EXD2: variants seen among roughly 807,000 people sequenced by gnomAD.
EXD2 encodes the protein exonuclease 3'-5' domain-containing protein 2.
Under a neutral mutation model 62.5 loss-of-function variants are expected in EXD2, and 40 were observed. The observed-to-expected ratio is 0.64, with a 90% CI of 0.50 to 0.83. The LOEUF (loss-of-function observed/expected upper bound fraction) is 0.83. Ranked by LOEUF, EXD2 falls within the 40% of genes least tolerant of loss-of-function variation. EXD2 has a pLI of 0.00. For synonymous variants in EXD2, 239 were observed against 291.9 expected (o/e 0.82, Z 1.85); for missense variants, 671 against 761.8 (o/e 0.88, Z 1.40).
chr14:69,213,537 A>ATTTTTTTT (rs746653694), intron 3 of EXD2, among the ~76,000 whole-genome samples: 1,917 of 76,362 alleles, frequency 0.025, 163 homozygotes, highest in East Asian at 0.042. Flanking sequence ...CACCTGGATA[A>ATTTTTTTT]TTTTTTTTTT....
chr14:69,237,877 A>C lies in EXD2; in HGVS notation c.1595A>C (p.Asn532Thr), dbSNP rs2043852869. Residue 532 changes from asparagine to threonine, a missense_variant, in exon 9 of 10, where the codon AAC (asparagine) becomes ACC (threonine). Coordinates refer to ENST00000685843, the MANE Select transcript of EXD2 (RefSeq NM_001193360.2). ...ELLQALREFY[N>T]TDVVTEEMLQ... Reference sequence around the variant, plus strand: ...CTGCAAGCACTCAGAGAGTTTTATAACACAGACGTGGTCACAGAGGAGATG... The same window carrying C: ...CTGCAAGCACTCAGAGAGTTTTATACCACAGACGTGGTCACAGAGGAGATG... 6.2e-7 allele frequency: 1 copy of C among 1,605,988 alleles called. No individual in the cohort carries two copies. Among genetic ancestry groups the C allele is most frequent in the Non-Finnish European group, 8.5e-7 (1 of 1,176,764 alleles).
intron 3 of EXD2, among the ~76,000 whole-genome samples, chr14:69,213,257 G>A (rs1021795966): frequency 6.6e-6 from 1 of 151,514 alleles, no homozygotes; most frequent in African/African-American, 2.4e-5. Context: ...CACAGAGACA[G>A]GATTTTGCTG....
chr14:69,202,136 T>G (rs2042429127), intron 1 of EXD2, among the ~76,000 whole-genome samples: 1 of 151,864 alleles, frequency 6.6e-6, no homozygotes, highest in African/African-American at 2.4e-5. Context: ...ACCAAAAATA[T>G]AAAATATTAG....
chr14:69,209,310 T>A (rs1192290369), intron 2 of EXD2, 114 bp from the exon 3 acceptor site: 1 of 492,048 alleles, frequency 2.0e-6, no homozygotes, highest in East Asian at 3.3e-5. Flanking sequence ...TTTATAGCAG[T>A]TGTTTTAGTT....
chr14:69,209,457 T>C lies in EXD2; in HGVS notation c.-14T>C. 1.3e-6 allele frequency: 2 copies of C among 1,484,832 alleles called. No individual in the cohort carries two copies. Among genetic ancestry groups the C allele is most frequent in the Non-Finnish European group, 1.8e-6 (2 of 1,115,996 alleles). 92.0% of individuals were successfully genotyped at this position (1,484,832 alleles called of 1,614,324 possible). On this transcript the variant is annotated 5_prime_UTR_variant, in exon 3 of 10. Coordinates refer to ENST00000685843, the MANE Select transcript of EXD2 (RefSeq NM_001193360.2). Reference sequence around the variant, plus strand: ...ATTAGTGATATGCTTTTCTAAAGAGTAGAAAAGTCGAAGATGTCTAGACAG... The same window carrying C: ...ATTAGTGATATGCTTTTCTAAAGAGCAGAAAAGTCGAAGATGTCTAGACAG...
At chr14:69,219,873 A>T (rs1473078928) in intron 3 of EXD2, among the ~76,000 whole-genome samples, 1 of 152,104 alleles carries the variant, frequency 6.6e-6, no homozygotes, top group African/African-American at 2.4e-5. Flanking sequence ...TGTTCAGTAG[A>T]TGTGGTGATA....
At chr14:69,227,245 A>G (rs572452424) in intron 3 of EXD2, among the ~76,000 whole-genome samples, 2 of 152,240 alleles carry the variant, frequency 1.3e-5, no homozygotes, top group South Asian at 4.1e-4. Context: ...ATATTGCCAA[A>G]TGTCTCTTGG....
At chr14:69,213,427 G>A (rs2042883718) in intron 3 of EXD2, among the ~76,000 whole-genome samples, 1 of 139,504 alleles carries the variant, frequency 7.2e-6, no homozygotes. Context: ...TTGTTGTGCA[G>A]TTGTGTGAGC....
In EXD2 at chr14:69,235,028, C is replaced by T. The variant is rs1221444433; in HGVS notation, c.1046C>T (p.Ala349Val). ...AAGCCTCTGGGGGTGGGCTATTCTG[C>T]CAGGTAACTGAATCACTCCCTGTCT... is the stretch of plus-strand genomic sequence containing the variant. Reference protein sequence around the residue: ...KRKPLGVGYSARKSPLYDNCF... With the variant: ...KRKPLGVGYSVRKSPLYDNCF... The change falls in exon 6 of 10, where the codon GCC becomes GTC. Residue 349 changes from alanine to valine, a missense_variant. Coordinates refer to ENST00000685843, the MANE Select transcript of EXD2 (RefSeq NM_001193360.2). 3.8e-6 allele frequency: 6 copies of T among 1,582,434 alleles called. No individual in the cohort carries two copies. In the African/African-American group the frequency reaches 5.5e-5, roughly 14 times the overall value.
chr14:69,206,455 C>CCTTT lies in EXD2; in HGVS notation c.-48+2455_-48+2456insCTTT, dbSNP rs60787528. Among the ~76,000 whole-genome samples the CCTTT allele has an allele frequency of 2.0e-3, 189 of 94,642 alleles. 35 individuals are homozygous for CCTTT. Among genetic ancestry groups the CCTTT allele is most frequent in the African/African-American group, 4.6e-3 (102 of 22,184 alleles). The allele number at this position is 94,642 out of a possible 152,430, so 62.1% of individuals were successfully genotyped here. A position where few individuals can be genotyped will look rare whatever the true frequency, so the allele number is the denominator to read the frequency against. On this transcript the variant is annotated intron_variant, in intron 2 of 9. Coordinates refer to ENST00000685843, the MANE Select transcript of EXD2 (RefSeq NM_001193360.2). ...CCCAGCTTCATCTCCCACCCACCCA[C>CCTTT]TTTTTTTTTTTTTTTTTTTTTTTTT...
At chr14:69,220,548 G>T (rs1333329345) in intron 3 of EXD2, among the ~76,000 whole-genome samples, 3 of 144,238 alleles carry the variant, frequency 2.1e-5, no homozygotes, top group Non-Finnish European at 4.6e-5. Flanking sequence ...GTGAGCCACC[G>T]TGCTGGGCAT....
chr14:69,235,488 A>G (rs2043747776), intron 6 of EXD2: 1 of 173,772 alleles, frequency 5.8e-6, no homozygotes, highest in African/African-American at 2.4e-5. Context: ...CTCCAAGAAA[A>G]TGTTACTCTC....
At chr14:69,194,885 A>G (rs1188265775) in intron 1 of EXD2, among the ~76,000 whole-genome samples, 1 of 152,212 alleles carries the variant, frequency 6.6e-6, no homozygotes, top group African/African-American at 2.4e-5. Context: ...TTTCTTTTCC[A>G]GATTAATTTT....
chr14:69,232,846 G>C (rs2043634701), intron 5 of EXD2, among the ~76,000 whole-genome samples: 1 of 152,116 alleles, frequency 6.6e-6, no homozygotes, highest in Non-Finnish European at 1.5e-5. Context: ...GTTGTTTGAA[G>C]CACAATAGTT....
intron 1 of EXD2, among the ~76,000 whole-genome samples, chr14:69,193,080 A>G (rs939496834): frequency 6.9e-6 from 1 of 145,116 alleles, no homozygotes; most frequent in African/African-American, 2.6e-5. Flanking sequence ...TTTTTTTGAG[A>G]CAGAGTCTTG....
intron 3 of EXD2, among the ~76,000 whole-genome samples, chr14:69,219,260 C>G (rs1348906511): frequency 1.3e-5 from 2 of 152,130 alleles, no homozygotes; most frequent in African/African-American, 2.4e-5. Flanking sequence ...ATTTTATTCT[C>G]TTTGAAGCAA....
At chr14:69,206,443 C>T (rs1189118549) in intron 2 of EXD2, among the ~76,000 whole-genome samples, 3 of 138,114 alleles carry the variant, frequency 2.2e-5, no homozygotes, top group Non-Finnish European at 4.6e-5. Context: ...AGCTTCATCT[C>T]CCACCCACCC....
In EXD2 at chr14:69,206,461, T is replaced by C. The variant is rs1438109817; in HGVS notation, c.-48+2461T>C. Among the ~76,000 whole-genome samples the C allele has an allele frequency of 1.2e-3, 60 of 48,510 alleles. 8 individuals carry two copies. Among genetic ancestry groups the C allele is most frequent in the African/African-American group, 3.8e-3 (55 of 14,506 alleles). 31.8% of individuals were successfully genotyped at this position (48,510 alleles called of 152,430 possible). A position where few individuals can be genotyped will look rare whatever the true frequency, so the allele number is the denominator to read the frequency against. ...TTCATCTCCCACCCACCCACTTTTT[T>C]TTTTTTTTTTTTTTTTTTTTTTTTT... On this transcript the variant is annotated intron_variant, in intron 2 of 9. Coordinates refer to ENST00000685843, the MANE Select transcript of EXD2 (RefSeq NM_001193360.2).
chr14:69,213,895 C>A (rs988463686), intron 3 of EXD2: 4 of 102,876 alleles, frequency 3.9e-5, no homozygotes, highest in Non-Finnish European at 7.6e-5. Flanking sequence ...GATCTCCTGA[C>A]CTTGTATTTA....
Sources: allele counts gnomAD v4.1 joint callset (sites outside exome capture counted in the v4.1 genomes callset), GRCh38; gene constraint gnomAD v4.1.1; transcripts MANE v1.5; gene names NCBI Gene and HGNC (gene_info 2026-07-23, HGNC 2026-07-21).